ADAMTS19: variants seen among roughly 807,000 people sequenced by gnomAD.
ADAMTS19 encodes the protein A disintegrin and metalloproteinase with thrombospondin motifs 19.
Under a neutral mutation model 153.3 loss-of-function variants are expected in ADAMTS19, and 93 were observed. That is an observed-to-expected ratio of 0.61 (90% confidence interval 0.51 to 0.72). The LOEUF is 0.72. Ranked by LOEUF, ADAMTS19 falls within the 30% of genes least tolerant of loss-of-function variation. ADAMTS19 has a pLI of 0.00. For synonymous variants in ADAMTS19, 600 were observed against 556.6 expected, an observed-to-expected ratio of 1.08 and a Z score of -1.10; for missense variants, 1,482 against 1,552.1, an observed-to-expected ratio of 0.95 and a Z score of 0.76.
chr5:129,577,874 T>G (rs79942000), intron 7 of ADAMTS19, among the ~76,000 whole-genome samples: 4,311 of 152,096 alleles, frequency 0.028, 203 homozygotes, highest in African/African-American at 0.098. Flanking sequence ...CTTTTATCCT[T>G]GATAGATTTA....
chr5:129,589,734 C>T (rs974851261), intron 7 of ADAMTS19, among the ~76,000 whole-genome samples: 5 of 152,000 alleles, frequency 3.3e-5, no homozygotes, highest in Non-Finnish European at 5.9e-5. Flanking sequence ...TGTGGTCTGT[C>T]TCTTCACAGG....
intron 7 of ADAMTS19, among the ~76,000 whole-genome samples, chr5:129,587,303 T>C (rs1292422355): frequency 6.6e-6 from 1 of 152,120 alleles, no homozygotes; most frequent in Non-Finnish European, 1.5e-5. Context: ...CTGCATCTTT[T>C]ATCAATTTTG....
At chr5:129,588,265 C>A (rs1749919758) in intron 7 of ADAMTS19, among the ~76,000 whole-genome samples, 1 of 152,042 alleles carries the variant, frequency 6.6e-6, no homozygotes, top group Non-Finnish European at 1.5e-5. Flanking sequence ...GGAAGGGTAA[C>A]CATTTTCTTG....
chr5:129,534,409 C>T (rs181587249), intron 6 of ADAMTS19, among the ~76,000 whole-genome samples: 13 of 152,166 alleles, frequency 8.5e-5, no homozygotes, highest in South Asian at 2.1e-4. Flanking sequence ...CAATAACAGG[C>T]TCTGAAATTG....
At chr5:129,475,661 C>T (rs1243576235) in intron 2 of ADAMTS19, among the ~76,000 whole-genome samples, 4 of 152,140 alleles carry the variant, frequency 2.6e-5, no homozygotes, top group Non-Finnish European at 4.4e-5. Context: ...GGCGAAACCC[C>T]ATCTGTACTA....
intron 11 of ADAMTS19, among the ~76,000 whole-genome samples, chr5:129,646,736 A>T (rs769520868): frequency 3.3e-5 from 5 of 152,164 alleles, no homozygotes; most frequent in Non-Finnish European, 7.4e-5. Flanking sequence ...ATTTCCTCAA[A>T]ATCCTTTGTA....
intron 8 of ADAMTS19, among the ~76,000 whole-genome samples, chr5:129,614,786 C>G (rs576598232): frequency 1.9e-3 from 288 of 152,138 alleles, no homozygotes; most frequent in African/African-American, 6.3e-3. Context: ...TCTAGAAAAC[C>G]CCATTGTCTC....
At chr5:129,487,115 T>G (rs1253052914) in intron 2 of ADAMTS19, among the ~76,000 whole-genome samples, 1 of 152,194 alleles carries the variant, frequency 6.6e-6, no homozygotes, top group Non-Finnish European at 1.5e-5. Context: ...AAGTTAGAGG[T>G]AACCAAAACA....
intron 21 of ADAMTS19, among the ~76,000 whole-genome samples, chr5:129,714,642 A>G (rs910792099): frequency 6.6e-6 from 1 of 152,138 alleles, no homozygotes; most frequent in African/African-American, 2.4e-5. Flanking sequence ...ACTGAGTCCA[A>G]TTGCGTTCAC....
At chr5:129,656,891 G>A (rs573464168) in intron 14 of ADAMTS19, among the ~76,000 whole-genome samples, 22 of 152,304 alleles carry the variant, frequency 1.4e-4, no homozygotes, top group African/African-American at 5.3e-4. Context: ...CATTTGCCAA[G>A]AGGCAATCTG....
intron 2 of ADAMTS19, among the ~76,000 whole-genome samples, chr5:129,462,292 C>G (rs1196778933): frequency 6.6e-6 from 1 of 152,180 alleles, no homozygotes; most frequent in Admixed American, 6.5e-5. Flanking sequence ...ATACTGGACA[C>G]CTGTTCACTG....
chr5:129,617,637 G>A (rs1751592530), intron 8 of ADAMTS19, among the ~76,000 whole-genome samples: 1 of 152,042 alleles, frequency 6.6e-6, no homozygotes. Flanking sequence ...GATGTGGGCT[G>A]TAGCCAGAAT....
intron 13 of ADAMTS19, among the ~76,000 whole-genome samples, chr5:129,650,376 C>T (rs1753264135): frequency 6.6e-6 from 1 of 152,144 alleles, no homozygotes. Context: ...CATTGCCTGT[C>T]CATTTCAGTG....
chr5:129,494,454 T>C (rs1216351000), intron 2 of ADAMTS19, among the ~76,000 whole-genome samples: 1 of 152,180 alleles, frequency 6.6e-6, no homozygotes, highest in Admixed American at 6.6e-5. Context: ...GTACTAGTGC[T>C]CAGTCTTAGG....
At chr5:129,624,237 G>C (rs765409357) in intron 10 of ADAMTS19, among the ~76,000 whole-genome samples, 14 of 151,194 alleles carry the variant, frequency 9.3e-5, no homozygotes, top group Non-Finnish European at 1.9e-4. Context: ...ATGTGGCACA[G>C]TCATGGATCC....
chr5:129,680,336 C>G (rs568420643), intron 17 of ADAMTS19, among the ~76,000 whole-genome samples: 1 of 152,016 alleles, frequency 6.6e-6, no homozygotes, highest in Non-Finnish European at 1.5e-5. Context: ...TTATTCTACC[C>G]GAGAGAAGGA....
At chr5:129,564,719 A>G (rs1236557472) in intron 7 of ADAMTS19, among the ~76,000 whole-genome samples, 4 of 152,124 alleles carry the variant, frequency 2.6e-5, no homozygotes, top group African/African-American at 9.7e-5. Flanking sequence ...GGCTCTAAAC[A>G]CTTGACTGTG....
At chr5:129,576,530 C>A (rs950196948) in intron 7 of ADAMTS19, among the ~76,000 whole-genome samples, 13 of 151,420 alleles carry the variant, frequency 8.6e-5, no homozygotes, top group African/African-American at 2.7e-4. Flanking sequence ...CCAAGAAAAT[C>A]AAAACTTAAA....
In ADAMTS19 at chr5:129,645,973, C is replaced by T. The variant is rs1373454157; in HGVS notation, c.1873-1792C>T. The stretch of plus-strand genomic sequence containing the variant: ...GCGGGATCTCGGCTCACTGCAAGCT[C>T]CGCCTCCCGGGTTCACGCCATTCTC... On this transcript the variant is annotated intron_variant, in intron 11 of 22. Coordinates refer to ENST00000274487, the MANE Select transcript of ADAMTS19 (RefSeq NM_133638.6). 2.8e-5 allele frequency among the ~76,000 whole-genome samples: 4 copies of T among 142,074 alleles called. No individual in the cohort carries two copies. In the East Asian group the frequency reaches 8.5e-4, roughly 30 times the overall value. 93.2% of individuals were successfully genotyped at this position (142,074 alleles called of 152,430 possible).
Sources: allele counts gnomAD v4.1 joint callset (sites outside exome capture counted in the v4.1 genomes callset), GRCh38; gene constraint gnomAD v4.1.1; transcripts MANE v1.5; gene names NCBI Gene and HGNC (gene_info 2026-07-23, HGNC 2026-07-21).